Variants in OR3A2 observed in about 807,000 individuals in gnomAD.
OR3A2 encodes the protein olfactory receptor 3A2.
For synonymous variants in OR3A2, 126 were observed against 159.3 expected, an observed-to-expected ratio of 0.79 and a Z score of 1.57; for missense variants, 318 against 392.8, an observed-to-expected ratio of 0.81 and a Z score of 1.61.
chr17:3,297,880 G>T (rs531189073), intron 3 of OR3A2, among the ~76,000 whole-genome samples: 149 of 152,160 alleles, frequency 9.8e-4, no homozygotes, highest in Non-Finnish European at 1.8e-3. Context: ...AGATTGATAC[G>T]ATTTAAGGGA....
At chr17:3,313,330 C>T (rs371080617) in intron 3 of OR3A2, among the ~76,000 whole-genome samples, 27 of 152,336 alleles carry the variant, frequency 1.8e-4, no homozygotes, top group African/African-American at 6.5e-4. Context: ...TTATTCTCCA[C>T]ATCCAGCCAT....
intron 2 of OR3A2, among the ~76,000 whole-genome samples, chr17:3,340,156 T>C (rs76531303): frequency 0.41 from 62,506 of 151,704 alleles, 13,131 homozygotes; most frequent in Admixed American, 0.52. Flanking sequence ...ATTTGATTCT[T>C]CTCTCTTCTT....
At chr17:3,335,468 C>T (rs999857473) in intron 3 of OR3A2, among the ~76,000 whole-genome samples, 1 of 152,130 alleles carries the variant, frequency 6.6e-6, no homozygotes, top group African/African-American at 2.4e-5. Context: ...GAGTATTTCA[C>T]TCCCTGCCCC....
chr17:3,332,589 C>A (rs1313970058), intron 3 of OR3A2, among the ~76,000 whole-genome samples: 1 of 152,210 alleles, frequency 6.6e-6, no homozygotes, highest in East Asian at 1.9e-4. Flanking sequence ...CACTGACCTG[C>A]GCCCACTGTC....
intron 1 of OR3A2, 100 bp downstream of exon 3, chr17:3,284,258 T>C (rs1221524457): frequency 6.6e-6 from 1 of 151,528 alleles, no homozygotes; most frequent in African/African-American, 2.4e-5. Context: ...TGGCTTTCCC[T>C]GTCAGGGGCA....
chr17:3,346,558 T>A (rs977210236), intron 2 of OR3A2, among the ~76,000 whole-genome samples: 6 of 152,306 alleles, frequency 3.9e-5, no homozygotes, highest in African/African-American at 1.4e-4. Context: ...ATTATACTAT[T>A]TCAGTTATTT....
Position 3,375,895 on chromosome 17 carries a change from T to A in OR3A2, c.-179+7909A>T, listed in dbSNP as rs146747179. Among the ~76,000 whole-genome samples the A allele has an allele frequency of 4.6e-5, 7 of 152,308 alleles. No homozygotes were observed. The East Asian group carries it at 1.4e-3, about 29-fold the overall frequency. On this transcript the variant is annotated intron_variant, in intron 2 of 4. Coordinates refer to the OR3A2 transcript ENST00000573491. ...TCTGGGTCTAGCCACCCAGCAGGGATACTGGGCTCTGGGCTGGTGCTGGGG... is the reference window on the plus strand; with the variant it reads ...TCTGGGTCTAGCCACCCAGCAGGGAAACTGGGCTCTGGGCTGGTGCTGGGG...
intron 2 of OR3A2, among the ~76,000 whole-genome samples, chr17:3,379,903 G>GC (rs1223282003): frequency 2.0e-5 from 3 of 152,140 alleles, no homozygotes; most frequent in Non-Finnish European, 2.9e-5. Context: ...ACACCTCGAT[G>GC]CCCCCTCTCC....
At chr17:3,363,433 T>G (rs2049535596) in intron 2 of OR3A2, among the ~76,000 whole-genome samples, 1 of 151,700 alleles carries the variant, frequency 6.6e-6, no homozygotes, top group African/African-American at 2.4e-5. Context: ...TAACCTTTAC[T>G]CCAGTTTTCA....
chr17:3,353,775 T>C (rs573956964), intron 2 of OR3A2, among the ~76,000 whole-genome samples: 3 of 151,924 alleles, frequency 2.0e-5, no homozygotes, highest in East Asian at 3.9e-4. Flanking sequence ...TCATGGAAAA[T>C]AGGGTGTCCA....
rs1278416165 is a variant in OR3A2, at chr17:3,322,943, T to C, written c.-85+13090A>G. ...GGACATCCTTGTTAACTTTGTCTCG[T>C]TGATCTGTCTAATGTTGACAGTGGG... On this transcript the variant is annotated intron_variant, in intron 3 of 4. Transcript: ENST00000573491. Among the ~76,000 whole-genome samples the C allele has an allele frequency of 5.3e-5, 8 of 152,186 alleles. 1 individual carries two copies. In the South Asian group the frequency reaches 1.7e-3, roughly 31 times the overall value.
chr17:3,279,056 C>A lies in OR3A2; in HGVS notation c.-6-133G>T. On this transcript the variant is annotated intron_variant, in intron 1 of 1. Transcript: ENST00000642052. ...CCATCCCTCACTCGTTGACCTCCTC[C>A]ATCACCTCAATGCCTTTACCTTGCT... 2 of 1,452,558 alleles carry A rather than the reference C, an allele frequency of 1.4e-6. No homozygotes were observed. Among genetic ancestry groups the A allele is most frequent in the Non-Finnish European group, 1.9e-6 (2 of 1,079,598 alleles). The allele number at this position is 1,452,558 out of a possible 1,614,324, so 90.0% of individuals were successfully genotyped here.
At chr17:3,372,670 G>A (rs1367631202) in intron 2 of OR3A2, among the ~76,000 whole-genome samples, 1 of 152,084 alleles carries the variant, frequency 6.6e-6, no homozygotes, top group Non-Finnish European at 1.5e-5. Flanking sequence ...AAAAAAATAC[G>A]AAAACCAGTC....
intron 3 of OR3A2, among the ~76,000 whole-genome samples, chr17:3,313,413 C>G (rs1404264441): frequency 2.0e-5 from 3 of 152,246 alleles, no homozygotes; most frequent in Non-Finnish European, 4.4e-5. Context: ...TGCCTCCCAG[C>G]TGGGACCCAT....
chr17:3,359,290 T>C (rs2049489566), intron 2 of OR3A2, among the ~76,000 whole-genome samples: 1 of 151,734 alleles, frequency 6.6e-6, no homozygotes, highest in Admixed American at 6.6e-5. Context: ...TCAGTATTGA[T>C]ATGTATGGAT....
At chr17:3,338,602 G>C (rs1470340929) in intron 2 of OR3A2, among the ~76,000 whole-genome samples, 3 of 151,986 alleles carry the variant, frequency 2.0e-5, no homozygotes, top group Non-Finnish European at 4.4e-5. Flanking sequence ...TGTTATTTCT[G>C]GGCCTCTGTT....
At chr17:3,331,564 A>C (rs535690559) in intron 3 of OR3A2, among the ~76,000 whole-genome samples, 1 of 151,170 alleles carries the variant, frequency 6.6e-6, no homozygotes, top group South Asian at 2.1e-4. Context: ...TTTCAGCTCC[A>C]TCAGCTCCTT....
chr17:3,323,208 C>G (rs1203997963), intron 3 of OR3A2, among the ~76,000 whole-genome samples: 1 of 152,078 alleles, frequency 6.6e-6, no homozygotes, highest in East Asian at 1.9e-4. Flanking sequence ...TTTCTGTTTT[C>G]CATTTGCTTG....
chr17:3,324,023 G>A lies in OR3A2; in HGVS notation c.-85+12010C>T, dbSNP rs948536922. Among the ~76,000 whole-genome samples, 18 of 152,098 alleles carry A rather than the reference G, an allele frequency of 1.2e-4. 1 individual carries two copies. Among genetic ancestry groups the A allele is most frequent in the South Asian group, 8.3e-4 (4 of 4,812 alleles). ...TCAGACATAGATTTGGTCTTTTCAC[G>A]TAGTCCCATATTTCTTGGAGGCTTT... On this transcript the variant is annotated intron_variant, in intron 3 of 4. Transcript: ENST00000573491.
Sources: gnomAD v4.1 joint callset for allele counts (sites outside exome capture counted in the v4.1 genomes callset) on GRCh38, gnomAD v4.1.1 for gene constraint, MANE v1.5 for transcripts, NCBI Gene and HGNC (gene_info 2026-07-23, HGNC 2026-07-21) for gene names.